ERBIN: variants seen among roughly 807,000 people sequenced by gnomAD.
The protein encoded by ERBIN is densin-180-like protein.
ERBIN carries 60 observed loss-of-function variants against 158.4 expected under a neutral mutation model. That is an observed-to-expected ratio of 0.38 (90% CI 0.31 to 0.47). The LOEUF (loss-of-function observed/expected upper bound fraction) is 0.47. Among genes scored for constraint, ERBIN ranks in the 20% least tolerant of loss-of-function variants. The probability of loss-of-function intolerance (pLI) is 0.99; values close to 1 mark genes in which losing one functional copy is unlikely to be tolerated. For missense variants in ERBIN, 1,610 were observed against 1,648.0 expected (o/e 0.98, Z 0.40); for synonymous variants, 594 against 557.2 (o/e 1.07, Z -0.93).
chr5:66,076,995 T>TA, intron 25 of ERBIN, 46 bp downstream of exon 25: 1 of 1,321,908 alleles, frequency 7.6e-7, no homozygotes, highest in Non-Finnish European at 1.1e-6. Context: ...AACACTCTAA[T>TA]GTTTTCACAG....
chr5:66,052,559 T>C (rs536925679), intron 20 of ERBIN, among the ~76,000 whole-genome samples: 3 of 152,288 alleles, frequency 2.0e-5, no homozygotes, highest in Non-Finnish European at 2.9e-5. Context: ...GCTTTTAATA[T>C]AATGAAATAA....
At chr5:66,050,719 CT>C (rs1758933448) in intron 19 of ERBIN, 63 bp from the exon 20 acceptor site, 1 of 1,091,764 alleles carries the variant, frequency 9.2e-7, no homozygotes, top group South Asian at 1.8e-5. Context: ...TTTGTCATCA[CT>C]GAAAAGAATT....
chr5:65,927,056 C>T (rs1335608144), intron 1 of ERBIN, among the ~76,000 whole-genome samples: 1 of 147,142 alleles, frequency 6.8e-6, no homozygotes, highest in African/African-American at 2.5e-5. Flanking sequence ...TGCGGTGGGA[C>T]GAAAAGTTTT....
intron 4 of ERBIN, among the ~76,000 whole-genome samples, chr5:66,000,903 A>G (rs1371659185): frequency 5.3e-5 from 8 of 152,160 alleles, no homozygotes; most frequent in Admixed American, 6.5e-5. Context: ...TATATTCTTC[A>G]TAAGTGGTGT....
intron 1 of ERBIN, among the ~76,000 whole-genome samples, chr5:65,963,742 A>AT (rs1214272739): frequency 1.7e-4 from 25 of 150,900 alleles, no homozygotes; most frequent in Non-Finnish European, 4.4e-5. Flanking sequence ...GACAAATTTT[A>AT]TTTTTTTATA....
chr5:66,024,482 T>C (rs771784872), intron 10 of ERBIN, 32 bp downstream of exon 10: 1 of 1,562,396 alleles, frequency 6.4e-7, no homozygotes, highest in South Asian at 1.2e-5. Flanking sequence ...ATGTAATTTT[T>C]ATTAAAATAA....
intron 1 of ERBIN, among the ~76,000 whole-genome samples, chr5:65,973,220 A>G (rs997943733): frequency 6.7e-6 from 1 of 148,548 alleles, no homozygotes; most frequent in Non-Finnish European, 1.5e-5. Context: ...ACTTGGACAC[A>G]GGAAGGGGAA....
In ERBIN at chr5:66,008,833, G is replaced by A. The variant is rs147220527; in HGVS notation, c.308-3216G>A. ...CATGGAATGTTTTACTTCTTAAAAA[G>A]TATTAAGAATTATGTACCACAACCA... On this transcript the variant is annotated intron_variant, in intron 4 of 25. Transcript: ENST00000284037. 4.1e-3 allele frequency among the ~76,000 whole-genome samples: 622 copies of A among 152,234 alleles called. 23 individuals carry two copies. The highest frequency in any genetic ancestry group is 0.038 in the Admixed American group (584 of 15,304).
At chr5:65,929,720 A>ATTG in intron 1 of ERBIN, among the ~76,000 whole-genome samples, 1 of 147,560 alleles carries the variant, frequency 6.8e-6, no homozygotes, top group East Asian at 2.0e-4. Flanking sequence ...GACTCACCAC[A>ATTG]ACCTCCACCT....
At chr5:65,982,800 T>A (rs1750796876) in intron 1 of ERBIN, among the ~76,000 whole-genome samples, 1 of 152,208 alleles carries the variant, frequency 6.6e-6, no homozygotes, top group Non-Finnish European at 1.5e-5. Context: ...AGACTATGAC[T>A]CAGCAGTTTC....
intron 1 of ERBIN, among the ~76,000 whole-genome samples, chr5:65,943,317 T>C (rs1745301712): frequency 6.6e-6 from 1 of 152,240 alleles, no homozygotes; most frequent in Admixed American, 6.5e-5. Context: ...CAGATTACTT[T>C]TTTACTGACA....
At chr5:65,934,427 T>G (rs1172631134) in intron 1 of ERBIN, among the ~76,000 whole-genome samples, 1 of 150,324 alleles carries the variant, frequency 6.7e-6, no homozygotes, top group African/African-American at 2.5e-5. Context: ...TTCTTTCTCT[T>G]TTTTTTCAAG....
intron 1 of ERBIN, among the ~76,000 whole-genome samples, chr5:65,987,551 G>A (rs982745150): frequency 2.0e-5 from 3 of 151,826 alleles, no homozygotes; most frequent in African/African-American, 7.3e-5. Flanking sequence ...GACAGAGCAA[G>A]ACCCTGTCTC....
chr5:66,064,580 A>G (rs1474031953), intron 21 of ERBIN, among the ~76,000 whole-genome samples: 1 of 152,210 alleles, frequency 6.6e-6, no homozygotes, highest in Non-Finnish European at 1.5e-5. Flanking sequence ...AAGTTGACAC[A>G]ATAAACAAAA....
chr5:66,018,692 A>C (rs1274369411), intron 7 of ERBIN, among the ~76,000 whole-genome samples: 1 of 140,292 alleles, frequency 7.1e-6, no homozygotes, highest in Non-Finnish European at 1.5e-5. Context: ...GTTGGAGTGC[A>C]GTGGCATGAT....
chr5:65,976,727 C>A (rs1008654182), intron 1 of ERBIN, among the ~76,000 whole-genome samples: 5 of 151,780 alleles, frequency 3.3e-5, no homozygotes, highest in Admixed American at 6.6e-5. Flanking sequence ...TCTTACGGAG[C>A]ATGCTGCCTT....
chr5:65,995,844 G>T (rs544311490), intron 4 of ERBIN, among the ~76,000 whole-genome samples: 60 of 152,200 alleles, frequency 3.9e-4, no homozygotes, highest in Non-Finnish European at 7.5e-4. Flanking sequence ...GATTTAATTT[G>T]CATTTCTCTG....
intron 8 of ERBIN, 35 bp from the exon 9 acceptor site, chr5:66,023,255 T>G: frequency 6.7e-7 from 1 of 1,498,948 alleles, no homozygotes; most frequent in Non-Finnish European, 9.2e-7. Context: ...AAAAATTAAT[T>G]GAATTACTGC....
intron 1 of ERBIN, among the ~76,000 whole-genome samples, chr5:65,974,934 T>C (rs1749691761): frequency 6.6e-6 from 1 of 152,150 alleles, no homozygotes; most frequent in South Asian, 2.1e-4. Context: ...TGAAGAAATC[T>C]CGTAAAGTAA....
Sources: gnomAD v4.1 joint callset for allele counts (sites outside exome capture counted in the v4.1 genomes callset) on GRCh38, gnomAD v4.1.1 for gene constraint, MANE v1.5 for transcripts, NCBI Gene and HGNC (gene_info 2026-07-23, HGNC 2026-07-21) for gene names.